DRAM1: variants seen among roughly 807,000 people sequenced by gnomAD.
DRAM1 encodes the protein DNA damage regulated autophagy modulator 1.
In DRAM1, 25 loss-of-function variants were observed where a neutral mutation model predicts 28.5. The ratio of observed to expected loss-of-function variants is 0.88; its 90% CI spans 0.64 to 1.23. The LOEUF (loss-of-function observed/expected upper bound fraction) is 1.23, where lower values mean the gene tolerates loss of function less well. DRAM1 is among the 50% of genes most tolerant of loss of function. DRAM1 has a pLI of 0.00. For missense variants in DRAM1, 249 were observed against 299.2 expected (o/e 0.83, Z 1.24); for synonymous variants, 113 against 114.2 (o/e 0.99, Z 0.07).
chr12:101,902,152 C>T (rs1873629956), intron 3 of DRAM1, among the ~76,000 whole-genome samples: 1 of 152,114 alleles, frequency 6.6e-6, no homozygotes, highest in South Asian at 2.1e-4. Context: ...ATTTTTATGA[C>T]AGTATGCATT....
chr12:101,908,164 A>C (rs760633599), intron 3 of DRAM1, 22 bp from the exon 4 acceptor site: 2 of 1,590,256 alleles, frequency 1.3e-6, no homozygotes, highest in Non-Finnish European at 1.7e-6. Context: ...AGAGTAACAC[A>C]CATTTATGAC....
chr12:101,921,429 T>C lies in DRAM1; in HGVS notation c.*169T>C. The C allele has an allele frequency of 3.3e-6, 2 of 614,052 alleles. No individual in the cohort carries two copies. The allele number at this position is 614,052 out of a possible 1,614,324, so 38.0% of individuals were successfully genotyped here. ...TAATAGTTGTATTTCTAAAGATGTG[T>C]TTCCTAGAGAATGTACAGCCTTATG... On this transcript the variant is annotated 3_prime_UTR_variant, in exon 7 of 7. Transcript: ENST00000258534.
At chr12:101,892,245 T>A (rs1163432643) in intron 1 of DRAM1, among the ~76,000 whole-genome samples, 2 of 150,546 alleles carry the variant, frequency 1.3e-5, no homozygotes, top group African/African-American at 2.4e-5. Context: ...ATTTTTTATT[T>A]TTTTTTTTGA....
In DRAM1 at chr12:101,920,050, G is replaced by C. The variant is rs1051852203; in HGVS notation, c.580-59G>C. ...GGTTGAAACTCCTCATTGTATTTCA[G>C]TATGTACATTAAAGTGAGTCTTTTT... On this transcript the variant is annotated intron_variant, in intron 5 of 6. Coordinates refer to ENST00000258534, the MANE Select transcript of DRAM1 (RefSeq NM_018370.3). The C allele has an allele frequency of 6.9e-5, 83 of 1,207,958 alleles. No homozygotes were observed. In the Middle Eastern group the frequency reaches 8.1e-4, roughly 12 times the overall value. 74.8% of individuals were successfully genotyped at this position (1,207,958 alleles called of 1,614,324 possible).
At chr12:101,904,415 A>T in intron 3 of DRAM1, among the ~76,000 whole-genome samples, 2 of 104,190 alleles carry the variant, frequency 1.9e-5, no homozygotes, top group African/African-American at 3.7e-5. Context: ...GCTGAGTGAT[A>T]GAGCTTTAGG....
chr12:101,888,036 G>A (rs996203806), intron 1 of DRAM1, among the ~76,000 whole-genome samples: 10 of 152,162 alleles, frequency 6.6e-5, no homozygotes, highest in Non-Finnish European at 1.3e-4. Context: ...TTTTTACAGT[G>A]CAGTGATTAT....
intron 5 of DRAM1, among the ~76,000 whole-genome samples, chr12:101,915,741 T>C (rs1017600784): frequency 1.3e-5 from 2 of 151,956 alleles, no homozygotes; most frequent in South Asian, 2.1e-4. Flanking sequence ...TTTGTATTTT[T>C]AGTAGAGACG....
chr12:101,908,930 C>T (rs1254273419), intron 4 of DRAM1, among the ~76,000 whole-genome samples: 2 of 146,064 alleles, frequency 1.4e-5, no homozygotes, highest in African/African-American at 5.1e-5. Flanking sequence ...GGATAACAAC[C>T]AAGTTTCCAC....
intron 1 of DRAM1, among the ~76,000 whole-genome samples, chr12:101,892,287 A>G (rs4764662): frequency 0.71 from 106,468 of 151,008 alleles, 39,264 homozygotes; most frequent in African/African-American, 0.93. Flanking sequence ...CCAGGCTGGT[A>G]TGCAGTGGTG....
intron 3 of DRAM1, among the ~76,000 whole-genome samples, chr12:101,905,639 G>C (rs1243073197): frequency 6.6e-6 from 1 of 151,796 alleles, no homozygotes; most frequent in Non-Finnish European, 1.5e-5. Context: ...GCCCAGACTA[G>C]AGTGCAGTGG....
chr12:101,907,136 G>GC (rs1269002876), intron 3 of DRAM1, among the ~76,000 whole-genome samples: 4 of 147,500 alleles, frequency 2.7e-5, no homozygotes, highest in Non-Finnish European at 5.9e-5. Context: ...GGAATTCAAG[G>GC]CTGCAGTGAG....
At chr12:101,912,254 ATT>A (rs34094746) in intron 4 of DRAM1, among the ~76,000 whole-genome samples, 5 of 152,170 alleles carry the variant, frequency 3.3e-5, no homozygotes, top group Non-Finnish European at 5.9e-5. Flanking sequence ...AATTACACAT[ATT>A]TCTGTGGGAT....
chr12:101,891,869 G>A (rs1390904137), intron 1 of DRAM1, among the ~76,000 whole-genome samples: 1 of 152,208 alleles, frequency 6.6e-6, no homozygotes, highest in Non-Finnish European at 1.5e-5. Context: ...GCCAGGCTGG[G>A]AAGCAACTGG....
chr12:101,903,881 T>C (rs532706271), intron 3 of DRAM1, among the ~76,000 whole-genome samples: 2 of 150,000 alleles, frequency 1.3e-5, no homozygotes, highest in Admixed American at 6.7e-5. Context: ...CTGGGCAACA[T>C]AGGGCAACAC....
At chr12:101,898,898 A>G (rs1420688163) in intron 2 of DRAM1, among the ~76,000 whole-genome samples, 1 of 152,244 alleles carries the variant, frequency 6.6e-6, no homozygotes, top group Non-Finnish European at 1.5e-5. Flanking sequence ...AATGTAATGC[A>G]TATTAATTAC....
At chr12:101,907,452 A>G (rs1873863104) in intron 3 of DRAM1, among the ~76,000 whole-genome samples, 2 of 151,910 alleles carry the variant, frequency 1.3e-5, no homozygotes, top group African/African-American at 4.8e-5. Flanking sequence ...TGTAACAAAA[A>G]AGGCAGGGTT....
intron 4 of DRAM1, among the ~76,000 whole-genome samples, chr12:101,910,530 T>G (rs990409309): frequency 6.7e-6 from 1 of 150,134 alleles, no homozygotes; most frequent in South Asian, 2.1e-4. Flanking sequence ...CAGGCTGGAG[T>G]GCAATGGTGC....
At position 101,904,293 on chromosome 12, in the gene DRAM1, C is replaced by A. The variant is rs561410110; in HGVS notation, c.342+2860C>A. On this transcript the variant is annotated intron_variant, in intron 3 of 6. Coordinates refer to ENST00000258534, the MANE Select transcript of DRAM1 (RefSeq NM_018370.3). ...TGAGCCATCGTGCCCAGCCTATAAA[C>A]AATTATTATTTGTCAATTAAAAATA... 2.1e-4 allele frequency among the ~76,000 whole-genome samples: 32 copies of A among 151,162 alleles called. No individual in the cohort carries two copies. In the South Asian group the frequency reaches 6.7e-3, roughly 32 times the overall value.
At chr12:101,879,232 A>G (rs1477925032) in intron 1 of DRAM1, among the ~76,000 whole-genome samples, 1 of 152,086 alleles carries the variant, frequency 6.6e-6, no homozygotes, top group Admixed American at 6.6e-5. Context: ...TCCTGACCTC[A>G]AGTGATCCTC....
Sources: allele counts gnomAD v4.1 joint callset (sites outside exome capture counted in the v4.1 genomes callset), GRCh38; gene constraint gnomAD v4.1.1; transcripts MANE v1.5; gene names NCBI Gene and HGNC (gene_info 2026-07-23, HGNC 2026-07-21).